Variants in ACSF2 observed in about 807,000 individuals in gnomAD.
The protein encoded by ACSF2 is medium-chain acyl-CoA ligase ACSF2, mitochondrial.
ACSF2 carries 52 observed loss-of-function variants against 79.3 expected under a neutral mutation model. That is an observed-to-expected ratio of 0.66 (90% confidence interval 0.53 to 0.83). The LOEUF (loss-of-function observed/expected upper bound fraction) is 0.83, where lower values mean the gene tolerates loss of function less well. ACSF2 is among the 40% of genes least tolerant of loss of function. The probability of loss-of-function intolerance (pLI) is 0.00; values close to 1 mark genes in which losing one functional copy is unlikely to be tolerated. For missense variants in ACSF2, 661 were observed against 803.3 expected (o/e 0.82, Z 2.14); for synonymous variants, 283 against 312.6 (o/e 0.91, Z 1.00).
intron 1 of ACSF2, among the ~76,000 whole-genome samples, chr17:50,447,285 A>C (rs2031362439): frequency 6.6e-6 from 1 of 152,106 alleles, no homozygotes; most frequent in African/African-American, 2.4e-5. Flanking sequence ...CACTCTTGTA[A>C]TCCCAGCACT....
intron 10 of ACSF2, chr17:50,465,874 G>T (rs2032675368): frequency 6.2e-7 from 1 of 1,613,158 alleles, no homozygotes; most frequent in South Asian, 1.1e-5. Context: ...CTGAGAACTG[G>T]GGAGCAAGGT....
chr17:50,446,999 G>A (rs1341679177), intron 1 of ACSF2, among the ~76,000 whole-genome samples: 4 of 152,138 alleles, frequency 2.6e-5, no homozygotes, highest in Non-Finnish European at 5.9e-5. Context: ...CCTAGGAGTA[G>A]ATTATGCACA....
At chr17:50,457,101 A>C (rs2032060403) in intron 1 of ACSF2, among the ~76,000 whole-genome samples, 1 of 152,124 alleles carries the variant, frequency 6.6e-6, no homozygotes, top group South Asian at 2.1e-4. Context: ...AAAAAATGAA[A>C]AAAAGACCTC....
chr17:50,474,317 C>G lies in ACSF2; in HGVS notation c.1797+50C>G, dbSNP rs1346596614. On this transcript the variant is annotated intron_variant, in intron 15 of 15. Coordinates refer to ENST00000300441, the MANE Select transcript of ACSF2 (RefSeq NM_025149.6). This position sits in a 1 kb window ranked among gnomAD's most constrained non-coding sequence, Gnocchi z 4.2. ...GAGGGCAGCCTGGGCTCTGGGGCCC[C>G]ATAGGGCCCCACCTCTGTTTCCTTC... The G allele has an allele frequency of 6.3e-7, 1 of 1,587,010 alleles. No homozygotes were observed. Among genetic ancestry groups the G allele is most frequent in the African/African-American group, 1.3e-5 (1 of 74,154 alleles).
intron 1 of ACSF2, among the ~76,000 whole-genome samples, chr17:50,449,337 C>T (rs978579793): frequency 6.8e-6 from 1 of 146,840 alleles, no homozygotes. Context: ...TCTTTTGTTA[C>T]TGGCTTCTTT....
chr17:50,463,774 C>G lies in ACSF2; in HGVS notation c.1047-44C>G. ...GCGGGGTGGGTGAGAACAGGGAGTT[C>G]CCTTCCACTTCCAAGCCTAATTTCG... On this transcript the variant is annotated intron_variant, in intron 8 of 15. Coordinates refer to ENST00000300441, the MANE Select transcript of ACSF2 (RefSeq NM_025149.6). The surrounding 1 kb of genome is among the most constrained non-coding windows in gnomAD (Gnocchi z 4.6). 6.3e-7 allele frequency: 1 copy of G among 1,584,916 alleles called. No individual in the cohort carries two copies. Among genetic ancestry groups the G allele is most frequent in the Non-Finnish European group, 8.7e-7 (1 of 1,155,566 alleles).
In ACSF2 at chr17:50,463,830, G is replaced by T. The variant is rs2032504031; in HGVS notation, c.1059G>T (p.Leu353=). 1 of 1,613,972 alleles carries T rather than the reference G, an allele frequency of 6.2e-7. No individual in the cohort carries two copies. Among genetic ancestry groups the T allele is most frequent in the Non-Finnish European group, 8.5e-7 (1 of 1,180,020 alleles). Residue 353 remains leucine, a synonymous_variant, in exon 9 of 16, where the codon CTG becomes CTT. Coordinates refer to ENST00000300441, the MANE Select transcript of ACSF2 (RefSeq NM_025149.6). This position sits in a 1 kb window ranked among gnomAD's most constrained non-coding sequence, Gnocchi z 4.6. ...EAISRERGTF[L]YGTPTMFVDI... ...TCCTCCTATACAGAGGCACCTTCCT[G>T]TATGGTACCCCCACGATGTTCGTGG... is the stretch of plus-strand genomic sequence containing the variant.
At chr17:50,465,865 T>G in intron 10 of ACSF2, 4 of 1,613,764 alleles carry the variant, frequency 2.5e-6, no homozygotes, top group South Asian at 1.1e-5. Flanking sequence ...AGGCACCATC[T>G]GAGAACTGGG....
chr17:50,465,126 C>T, intron 10 of ACSF2: 1 of 695,694 alleles, frequency 1.4e-6, no homozygotes, highest in Non-Finnish European at 2.4e-6. Context: ...AAGTCCTGGG[C>T]AGGACCTTTT....
chr17:50,439,650 C>T (rs921037622), intron 1 of ACSF2, among the ~76,000 whole-genome samples: 6 of 152,202 alleles, frequency 3.9e-5, no homozygotes, highest in African/African-American at 1.4e-4. Flanking sequence ...TATTTTCCCA[C>T]ATCCTTGCAA....
intron 10 of ACSF2, chr17:50,468,081 A>T (rs761751541): frequency 2.5e-6 from 4 of 1,610,866 alleles, no homozygotes; most frequent in Non-Finnish European, 3.4e-6. Context: ...GTCTCCAGGT[A>T]TCTGCCAAAG....
rs1239807481 is a variant in ACSF2 at position 50,463,768 on chromosome 17, G to A, written c.1047-50G>A. On this transcript the variant is annotated intron_variant, in intron 8 of 15. Transcript: ENST00000300441. This position sits in a 1 kb window ranked among gnomAD's most constrained non-coding sequence, Gnocchi z 4.6. ...TTCATGGCGGGGTGGGTGAGAACAG[G>A]GAGTTCCCTTCCACTTCCAAGCCTA... The A allele has an allele frequency of 6.4e-7, 1 of 1,574,130 alleles. No homozygotes were observed. The highest frequency in any genetic ancestry group is 1.1e-5 in the South Asian group (1 of 89,030).
In ACSF2 at chr17:50,471,507, C is replaced by T. The variant is rs1456603127; in HGVS notation, c.1323+372C>T. On this transcript the variant is annotated intron_variant, in intron 11 of 15. Coordinates refer to ENST00000300441, the MANE Select transcript of ACSF2 (RefSeq NM_025149.6). This position sits in a 1 kb window ranked among gnomAD's most constrained non-coding sequence, Gnocchi z 4.1. Reference sequence around the variant, plus strand: ...TTTTCCTCCAGTGGTGCTCGCCTCTCGCTTTAGCAGAGTTCTTCTTCTTGC... The same window carrying T: ...TTTTCCTCCAGTGGTGCTCGCCTCTTGCTTTAGCAGAGTTCTTCTTCTTGC... 4 of 266,522 alleles carry T rather than the reference C, an allele frequency of 1.5e-5. 1 individual carries two copies. The highest frequency in any genetic ancestry group is 5.2e-5 in the South Asian group (1 of 19,234). The allele number at this position is 266,522 out of a possible 1,614,324, so 16.5% of individuals were successfully genotyped here. A position where few individuals can be genotyped will look rare whatever the true frequency, so the allele number is the denominator to read the frequency against.
intron 10 of ACSF2, chr17:50,469,119 T>C (rs558872738): frequency 1.2e-6 from 1 of 833,972 alleles, no homozygotes; most frequent in African/African-American, 1.8e-5. Context: ...CCCCCCGCTC[T>C]CCTATGGTGC....
intron 1 of ACSF2, among the ~76,000 whole-genome samples, chr17:50,441,642 A>G (rs1653108126): frequency 6.6e-6 from 1 of 152,032 alleles, no homozygotes; most frequent in South Asian, 2.1e-4. Context: ...TCATCTGTAA[A>G]ATGGGTATGT....
intron 1 of ACSF2, among the ~76,000 whole-genome samples, chr17:50,428,023 T>A (rs1915161911): frequency 6.6e-6 from 1 of 152,186 alleles, no homozygotes; most frequent in Non-Finnish European, 1.5e-5. Context: ...ACTTTCCCCT[T>A]CAGAAGCCTC....
intron 1 of ACSF2, among the ~76,000 whole-genome samples, chr17:50,434,740 T>C (rs2030245744): frequency 6.6e-6 from 1 of 151,994 alleles, no homozygotes; most frequent in Non-Finnish European, 1.5e-5. Flanking sequence ...TTGTAGTCGT[T>C]TGTAGTTTGT....
At chr17:50,459,808 T>C (rs1411598103) in intron 1 of ACSF2, among the ~76,000 whole-genome samples, 1 of 151,768 alleles carries the variant, frequency 6.6e-6, no homozygotes, top group Non-Finnish European at 1.5e-5. Context: ...AGGTGAAGAG[T>C]CCCGGCCCCA....
chr17:50,432,617 G>A (rs1196820457), intron 1 of ACSF2, among the ~76,000 whole-genome samples: 1 of 152,132 alleles, frequency 6.6e-6, no homozygotes, highest in Non-Finnish European at 1.5e-5. Flanking sequence ...AATAACGAAG[G>A]GTAGGAACAA....
Sources: allele counts gnomAD v4.1 joint callset (sites outside exome capture counted in the v4.1 genomes callset), GRCh38; gene constraint gnomAD v4.1.1; non-coding constraint Gnocchi (gnomAD v3.1); transcripts MANE v1.5; gene names NCBI Gene and HGNC (gene_info 2026-07-23, HGNC 2026-07-21).